CDH12: variants seen among roughly 807,000 people sequenced by gnomAD.
CDH12 encodes cadherin-12.
A neutral mutation model predicts 74.1 loss-of-function variants in CDH12; 41 were observed. The ratio of observed to expected loss-of-function variants is 0.55; its 90% confidence interval spans 0.43 to 0.72. The LOEUF is 0.72. Among genes scored for constraint, CDH12 ranks in the 30% least tolerant of loss-of-function variants. CDH12 has a pLI of 0.00. For synonymous variants in CDH12, 399 were observed against 355.0 expected, an observed-to-expected ratio of 1.12 and a Z score of -1.39; for missense variants, 945 against 977.2, an observed-to-expected ratio of 0.97 and a Z score of 0.44.
intron 2 of CDH12, among the ~76,000 whole-genome samples, chr5:22,443,697 GA>G (rs909518225): frequency 3.2e-4 from 48 of 152,040 alleles, no homozygotes; most frequent in African/African-American, 1.1e-3. Context: ...TCAATGGTTA[GA>G]AAAAAATGCA....
At chr5:22,325,271 T>C (rs906360756) in intron 3 of CDH12, among the ~76,000 whole-genome samples, 15 of 152,204 alleles carry the variant, frequency 9.9e-5, no homozygotes, top group Admixed American at 9.2e-4. Flanking sequence ...TTTTATGTGA[T>C]ATAATGAATA....
At chr5:22,323,837 T>C (rs1354700061) in intron 3 of CDH12, among the ~76,000 whole-genome samples, 1 of 152,178 alleles carries the variant, frequency 6.6e-6, no homozygotes, top group East Asian at 1.9e-4. Context: ...AAGCTAGAGT[T>C]ATATCCTAGA....
At chr5:22,039,103 G>A (rs1402902785) in intron 5 of CDH12, among the ~76,000 whole-genome samples, 2 of 152,024 alleles carry the variant, frequency 1.3e-5, no homozygotes, top group African/African-American at 4.8e-5. Context: ...ACAGAGTCTG[G>A]GATACTGCCG....
intron 1 of CDH12, among the ~76,000 whole-genome samples, chr5:22,554,408 C>G (rs898345875): frequency 2.0e-5 from 3 of 152,036 alleles, no homozygotes; most frequent in African/African-American, 7.2e-5. Flanking sequence ...ATGGGTAGGA[C>G]AGTGAGTATA....
Position 22,068,503 on chromosome 5 carries a change from A to AT in CDH12, c.231+9942dup, listed in dbSNP as rs541334566. 4.1e-3 allele frequency among the ~76,000 whole-genome samples: 625 copies of AT among 152,258 alleles called. 4 individuals are homozygous for AT. The highest frequency in any genetic ancestry group is 0.014 in the African/African-American group (580 of 41,558). On this transcript the variant is annotated intron_variant, in intron 5 of 14. Transcript: ENST00000382254. ...CAGTGCACCTGGTTTTTCATTTTGC[A>AT]TAGAATTAGAAATGGGCAGACATGA... is the stretch of plus-strand genomic sequence containing the variant.
chr5:22,788,489 C>T (rs1466720241), intron 1 of CDH12, among the ~76,000 whole-genome samples: 1 of 149,980 alleles, frequency 6.7e-6, no homozygotes, highest in Non-Finnish European at 1.5e-5. Context: ...TGAATACTCA[C>T]TATATGTCAT....
intron 3 of CDH12, among the ~76,000 whole-genome samples, chr5:22,288,181 A>G (rs1429541643): frequency 6.6e-6 from 1 of 152,192 alleles, no homozygotes; most frequent in African/African-American, 2.4e-5. Context: ...TTCAGAAGAT[A>G]TGGAAATATG....
chr5:22,075,793 G>C (rs1474772549), intron 5 of CDH12, among the ~76,000 whole-genome samples: 3 of 152,042 alleles, frequency 2.0e-5, no homozygotes, highest in African/African-American at 7.2e-5. Context: ...TTGTCCAATG[G>C]TGAACTGTAG....
chr5:21,779,335 G>T (rs1238159801), intron 11 of CDH12: 1 of 151,778 alleles, frequency 6.6e-6, no homozygotes, highest in Non-Finnish European at 1.5e-5. Flanking sequence ...TGAGTAGCTG[G>T]GACTACAGTT....
At chr5:22,174,832 A>G (rs980071928) in intron 4 of CDH12, among the ~76,000 whole-genome samples, 52 of 152,096 alleles carry the variant, frequency 3.4e-4, no homozygotes, top group African/African-American at 9.9e-4. Flanking sequence ...ACTAATGTCA[A>G]CTCAATTTGC....
At chr5:22,105,285 G>A (rs1183515986) in intron 4 of CDH12, among the ~76,000 whole-genome samples, 3 of 151,428 alleles carry the variant, frequency 2.0e-5, no homozygotes, top group Non-Finnish European at 4.4e-5. Context: ...AGTAGAGATA[G>A]GGTTTCACCA....
intron 3 of CDH12, among the ~76,000 whole-genome samples, chr5:22,389,427 C>T (rs1430434352): frequency 2.0e-5 from 3 of 151,974 alleles, no homozygotes; most frequent in Non-Finnish European, 4.4e-5. Flanking sequence ...AGTTGAAATC[C>T]ATGAATGATA....
At chr5:22,464,440 G>A (rs2126591973) in intron 2 of CDH12, among the ~76,000 whole-genome samples, 1 of 152,174 alleles carries the variant, frequency 6.6e-6, no homozygotes, top group Non-Finnish European at 1.5e-5. Flanking sequence ...TGTCATTACA[G>A]AAAAACTCAT....
chr5:21,955,177 GA>G (rs941651618), intron 6 of CDH12, among the ~76,000 whole-genome samples: 16 of 151,230 alleles, frequency 1.1e-4, no homozygotes, highest in African/African-American at 3.6e-4. Context: ...TTTTATAAAT[GA>G]AAAAAAATAG....
intron 4 of CDH12, among the ~76,000 whole-genome samples, chr5:22,145,387 A>G (rs1580319280): frequency 6.6e-6 from 1 of 152,044 alleles, no homozygotes; most frequent in South Asian, 2.1e-4. Context: ...CAGCTCGTTC[A>G]TGAAAGAGAT....
intron 3 of CDH12, among the ~76,000 whole-genome samples, chr5:22,270,354 G>C (rs1213437303): frequency 6.6e-6 from 1 of 152,018 alleles, no homozygotes; most frequent in African/African-American, 2.4e-5. Context: ...CCAGCCCTTT[G>C]GGAGGCTGAG....
intron 1 of CDH12, among the ~76,000 whole-genome samples, chr5:22,656,430 G>A (rs1445101176): frequency 6.6e-6 from 1 of 152,084 alleles, no homozygotes; most frequent in African/African-American, 2.4e-5. Flanking sequence ...TTACATCATT[G>A]AAACATCAAG....
At chr5:21,794,019 A>T (rs1478827507) in intron 10 of CDH12, among the ~76,000 whole-genome samples, 1 of 151,384 alleles carries the variant, frequency 6.6e-6, no homozygotes, top group Non-Finnish European at 1.5e-5. Context: ...GATGTAGAAG[A>T]TATATTCTAG....
chr5:22,660,158 C>G (rs1425432975), intron 1 of CDH12, among the ~76,000 whole-genome samples: 1 of 152,128 alleles, frequency 6.6e-6, no homozygotes, highest in Non-Finnish European at 1.5e-5. Context: ...TATAACCACT[C>G]ACACCAAAAC....
Sources: allele counts gnomAD v4.1 joint callset (sites outside exome capture counted in the v4.1 genomes callset), GRCh38; gene constraint gnomAD v4.1.1; transcripts MANE v1.5; gene names NCBI Gene and HGNC (gene_info 2026-07-23, HGNC 2026-07-21).